EPS15: variants seen among roughly 807,000 people sequenced by gnomAD.
EPS15 encodes the protein epidermal growth factor receptor substrate 15.
Under a neutral mutation model 113.8 loss-of-function variants are expected in EPS15, and 72 were observed. That is an observed-to-expected ratio of 0.63 (90% CI 0.52 to 0.77). The LOEUF is 0.77. Ranked by LOEUF, EPS15 falls within the 30% of genes least tolerant of loss-of-function variation. EPS15 has a pLI of 0.00. For synonymous variants in EPS15, 344 were observed against 363.4 expected, an observed-to-expected ratio of 0.95 and a Z score of 0.61; for missense variants, 1,048 against 1,045.8, an observed-to-expected ratio of 1.00 and a Z score of -0.03.
chr1:51,508,342 A>AAGAAAGAG (rs1557537225), intron 1 of EPS15, among the ~76,000 whole-genome samples: 1 of 102,830 alleles, frequency 9.7e-6, no homozygotes, highest in Non-Finnish European at 2.0e-5. Context: ...GAAAGAGAGA[A>AAGAAAGAG]AGAAAGAAAG....
chr1:51,518,285 A>T (rs984528956), intron 1 of EPS15: 1 of 152,308 alleles, frequency 6.6e-6, no homozygotes, highest in African/African-American at 2.4e-5. Context: ...AAGCACAAGG[A>T]CTGGACTTTG....
chr1:51,355,297 G>T lies in EPS15; in HGVS notation c.*1403C>A. ...GCAATAAGTTACTCAGATTAACACA[G>T]ATCAATACCACCTTGACTTGTTGAC... is the stretch of plus-strand genomic sequence containing the variant. On this transcript the variant is annotated 3_prime_UTR_variant, in exon 25 of 25. Transcript: ENST00000371733. The T allele has an allele frequency of 4.6e-6, 1 of 217,804 alleles. No homozygotes were observed. Among genetic ancestry groups the T allele is most frequent in the Non-Finnish European group, 9.2e-6 (1 of 108,372 alleles). 13.5% of individuals were successfully genotyped at this position (217,804 alleles called of 1,614,324 possible).
intron 1 of EPS15, among the ~76,000 whole-genome samples, chr1:51,504,577 C>T (rs1644465995): frequency 6.6e-6 from 1 of 151,952 alleles, no homozygotes; most frequent in Non-Finnish European, 1.5e-5. Flanking sequence ...AAAAAGACAA[C>T]TCAATTTTAA....
chr1:51,502,572 T>C (rs898659900), intron 1 of EPS15, among the ~76,000 whole-genome samples: 4 of 152,166 alleles, frequency 2.6e-5, no homozygotes, highest in Non-Finnish European at 5.9e-5. Flanking sequence ...CATGAACTTA[T>C]ATACAGAAAA....
chr1:51,509,931 T>C (rs1159002665), intron 1 of EPS15, among the ~76,000 whole-genome samples: 2 of 152,218 alleles, frequency 1.3e-5, no homozygotes, highest in East Asian at 1.9e-4. Flanking sequence ...TCAATCAATA[T>C]CCGAGTTGCT....
chr1:51,361,473 A>G, intron 23 of EPS15, 118 bp from the exon 24 acceptor site: 1 of 671,972 alleles, frequency 1.5e-6, no homozygotes, highest in Non-Finnish European at 2.5e-6. Flanking sequence ...AGTACCTAAA[A>G]CACATTCTGA....
At chr1:51,475,834 A>C (rs187892348) in intron 2 of EPS15, among the ~76,000 whole-genome samples, 52 of 152,240 alleles carry the variant, frequency 3.4e-4, no homozygotes, top group African/African-American at 1.2e-3. Flanking sequence ...TAAGTCTTTA[A>C]TCCATCTTGA....
intron 2 of EPS15, among the ~76,000 whole-genome samples, chr1:51,480,470 G>A (rs912479469): frequency 1.3e-5 from 2 of 152,142 alleles, no homozygotes; most frequent in African/African-American, 4.8e-5. Flanking sequence ...ATATTGTCTG[G>A]TGAAGTATGT....
At chr1:51,482,476 T>C (rs1029906866) in intron 1 of EPS15, among the ~76,000 whole-genome samples, 33 of 152,030 alleles carry the variant, frequency 2.2e-4, no homozygotes, top group African/African-American at 6.5e-4. Flanking sequence ...TCATCTGCCA[T>C]TGTAGAGTAA....
intron 1 of EPS15, among the ~76,000 whole-genome samples, chr1:51,493,205 C>A (rs2148540276): frequency 6.6e-6 from 1 of 152,256 alleles, no homozygotes; most frequent in South Asian, 2.1e-4. Context: ...ACTAAAAATA[C>A]AAAAAATTAG....
intron 2 of EPS15, among the ~76,000 whole-genome samples, chr1:51,478,769 T>C (rs1643963670): frequency 6.6e-6 from 1 of 152,256 alleles, no homozygotes; most frequent in South Asian, 2.1e-4. Context: ...TCTTTAAGAA[T>C]GTTGAACATT....
intron 20 of EPS15, among the ~76,000 whole-genome samples, chr1:51,396,498 G>C (rs1647957309): frequency 6.6e-6 from 1 of 152,150 alleles, no homozygotes; most frequent in Non-Finnish European, 1.5e-5. Context: ...CGGATTTGGG[G>C]TGCTCAACCT....
At chr1:51,431,282 T>C (rs937899182) in intron 12 of EPS15, among the ~76,000 whole-genome samples, 4 of 152,070 alleles carry the variant, frequency 2.6e-5, no homozygotes, top group African/African-American at 9.7e-5. Flanking sequence ...GGTTTTATTT[T>C]TAAAAATAAG....
intron 20 of EPS15, among the ~76,000 whole-genome samples, 175 bp from the exon 21 acceptor site, chr1:51,394,622 T>C (rs1359420824): frequency 6.6e-6 from 1 of 152,212 alleles, no homozygotes; most frequent in Non-Finnish European, 1.5e-5. Flanking sequence ...AAATAATACA[T>C]ATTATTTTCT....
chr1:51,367,111 G>A (rs1162130092), intron 21 of EPS15, among the ~76,000 whole-genome samples: 1 of 152,226 alleles, frequency 6.6e-6, no homozygotes, highest in Non-Finnish European at 1.5e-5. Flanking sequence ...GTCACTAACT[G>A]CCTGGGTGAA....
At chr1:51,381,688 G>A (rs1646945656) in intron 21 of EPS15, among the ~76,000 whole-genome samples, 1 of 151,854 alleles carries the variant, frequency 6.6e-6, no homozygotes, top group African/African-American at 2.4e-5. Context: ...CTACAAATAG[G>A]TGGAAATTAA....
At chr1:51,424,555 T>G (rs772832368) in intron 12 of EPS15, among the ~76,000 whole-genome samples, 1 of 152,192 alleles carries the variant, frequency 6.6e-6, no homozygotes, top group Non-Finnish European at 1.5e-5. Flanking sequence ...ATGCAACTTC[T>G]CAAGGAGCCC....
intron 21 of EPS15, among the ~76,000 whole-genome samples, chr1:51,391,166 G>T (rs1647315570): frequency 6.6e-6 from 1 of 152,130 alleles, no homozygotes; most frequent in African/African-American, 2.4e-5. Flanking sequence ...CCTTTGTAGG[G>T]ACATGGATGA....
intron 7 of EPS15, 51 bp downstream of exon 7, chr1:51,463,622 T>C (rs1467107047): frequency 9.4e-7 from 1 of 1,065,720 alleles, no homozygotes; most frequent in East Asian, 2.5e-5. Flanking sequence ...GCATAATAGA[T>C]ATAAAATTAA....
Sources: gnomAD v4.1 joint callset for allele counts (sites outside exome capture counted in the v4.1 genomes callset) on GRCh38, gnomAD v4.1.1 for gene constraint, MANE v1.5 for transcripts, NCBI Gene and HGNC (gene_info 2026-07-23, HGNC 2026-07-21) for gene names.